Variants in PLCH1 observed in about 807,000 individuals in gnomAD.
PLCH1 encodes 1-phosphatidylinositol 4,5-bisphosphate phosphodiesterase eta-1.
Under a neutral mutation model 126.7 loss-of-function variants are expected in PLCH1, and 60 were observed. The ratio of observed to expected loss-of-function variants is 0.47; its 90% confidence interval spans 0.38 to 0.59. The LOEUF (loss-of-function observed/expected upper bound fraction) is 0.59. Ranked by LOEUF, PLCH1 falls within the 20% of genes least tolerant of loss-of-function variation. PLCH1 has a pLI of 0.00. For synonymous variants in PLCH1, 719 were observed against 734.9 expected, an observed-to-expected ratio of 0.98 and a Z score of 0.35; for missense variants, 1,723 against 2,040.0, an observed-to-expected ratio of 0.84 and a Z score of 2.99.
chr3:155,488,251 G>T (rs1715592646), intron 20 of PLCH1, 144 bp from the exon 21 acceptor site: 1 of 611,256 alleles, frequency 1.6e-6, no homozygotes, highest in African/African-American at 1.8e-5. Context: ...AGGCTGGAAT[G>T]CAGTGGCATG....
At chr3:155,719,838 C>G (rs998234876) in intron 1 of PLCH1, among the ~76,000 whole-genome samples, 2 of 151,894 alleles carry the variant, frequency 1.3e-5, no homozygotes, top group Non-Finnish European at 2.9e-5. Flanking sequence ...GACTCTCACT[C>G]TGTCTGGAGT....
chr3:155,485,337 G>T lies in PLCH1; in HGVS notation c.2974+19C>A. On this transcript the variant is annotated intron_variant, in intron 22 of 22. Coordinates refer to ENST00000460012, the MANE Select transcript of PLCH1 (RefSeq NM_014996.4). ...CAGCCTAGAAGGGTTTATTCTCAGA[G>T]AAACTTAAAGCATCTTACCTAGAGA... 2.0e-6 allele frequency: 3 copies of T among 1,525,916 alleles called. No individual in the cohort carries two copies. Among genetic ancestry groups the T allele is most frequent in the South Asian group, 2.3e-5 (2 of 86,866 alleles). The allele number at this position is 1,525,916 out of a possible 1,614,324, so 94.5% of individuals were successfully genotyped here. A position where few individuals can be genotyped will look rare whatever the true frequency, so the allele number is the denominator to read the frequency against.
intron 2 of PLCH1, among the ~76,000 whole-genome samples, chr3:155,617,119 T>A (rs942837429): frequency 6.6e-5 from 10 of 152,150 alleles, no homozygotes; most frequent in African/African-American, 2.4e-4. Flanking sequence ...CAGTAATAAT[T>A]ATTATCATTA....
chr3:155,495,933 G>A (rs780114600), intron 15 of PLCH1, among the ~76,000 whole-genome samples: 2 of 152,200 alleles, frequency 1.3e-5, no homozygotes, highest in Non-Finnish European at 2.9e-5. Flanking sequence ...GATGAGGGAT[G>A]TTTTAAACAT....
At chr3:155,474,122 C>T (rs1338129469) in intron 21 of PLCH1, among the ~76,000 whole-genome samples, 2 of 151,964 alleles carry the variant, frequency 1.3e-5, no homozygotes, top group African/African-American at 2.4e-5. Flanking sequence ...AAGAAACTAC[C>T]ATCAGAGTGA....
intron 8 of PLCH1, 101 bp downstream of exon 8, chr3:155,564,814 G>T (rs1728108469): frequency 1.4e-6 from 1 of 710,260 alleles, no homozygotes; most frequent in Non-Finnish European, 2.5e-6. Flanking sequence ...TAATTAGTGT[G>T]AGAGTGTGTT....
At chr3:155,593,105 G>A (rs535562783) in intron 4 of PLCH1, among the ~76,000 whole-genome samples, 30 of 152,126 alleles carry the variant, frequency 2.0e-4, no homozygotes, top group African/African-American at 7.0e-4. Context: ...TTCTAATGAC[G>A]GCAAGGGAGT....
At chr3:155,601,927 G>C (rs1733791394) in intron 2 of PLCH1, among the ~76,000 whole-genome samples, 1 of 152,058 alleles carries the variant, frequency 6.6e-6, no homozygotes, top group Admixed American at 6.5e-5. Flanking sequence ...GATAGTTCAT[G>C]TAAATAAAAT....
At chr3:155,456,803 C>G (rs1712454466) in intron 21 of PLCH1, 1 of 153,024 alleles carries the variant, frequency 6.5e-6, no homozygotes, top group Non-Finnish European at 1.5e-5. Flanking sequence ...CAACCCCTTT[C>G]CCACCTTTTT....
At chr3:155,665,003 T>C (rs1742569806) in intron 2 of PLCH1, among the ~76,000 whole-genome samples, 1 of 152,092 alleles carries the variant, frequency 6.6e-6, no homozygotes, top group African/African-American at 2.4e-5. Context: ...TCCTTTGCAG[T>C]TGGGTGTGGC....
intron 2 of PLCH1, among the ~76,000 whole-genome samples, chr3:155,649,716 C>T (rs1240585021): frequency 2.6e-5 from 4 of 152,182 alleles, no homozygotes; most frequent in African/African-American, 9.6e-5. Context: ...CGGTGGCTCA[C>T]ACCTGTAATC....
At chr3:155,594,960 TGGAACTGGCA>T (rs1416769979) in intron 3 of PLCH1, among the ~76,000 whole-genome samples, 7 of 152,194 alleles carry the variant, frequency 4.6e-5, no homozygotes, top group Non-Finnish European at 7.3e-5. Context: ...CTGAGCTACA[TGGAACTGGCA>T]TTCCTAGAGA....
At chr3:155,476,208 T>C (rs554113753), downstream of PLCH1, among the ~76,000 whole-genome samples, 92 of 152,184 alleles carry the variant, frequency 6.0e-4, no homozygotes, top group African/African-American at 2.0e-3. Context: ...AAAAAACATA[T>C]GATAATTTCA....
intron 2 of PLCH1, 50 bp from the exon 3 acceptor site, chr3:155,596,428 A>G: frequency 1.3e-6 from 2 of 1,505,298 alleles, no homozygotes; most frequent in Non-Finnish European, 1.8e-6. Flanking sequence ...GCACAGGCAT[A>G]CTGGTGTCCA....
At chr3:155,664,713 T>C (rs1295582289) in intron 2 of PLCH1, among the ~76,000 whole-genome samples, 1 of 152,226 alleles carries the variant, frequency 6.6e-6, no homozygotes, top group Admixed American at 6.5e-5. Flanking sequence ...AAGCTTCCCC[T>C]TGCATTTGCA....
chr3:155,576,256 C>G (rs1016472688), intron 6 of PLCH1, among the ~76,000 whole-genome samples: 17 of 152,090 alleles, frequency 1.1e-4, no homozygotes, highest in Non-Finnish European at 2.1e-4. Context: ...CAAAACAAAA[C>G]AAAAACTCTC....
intron 10 of PLCH1, among the ~76,000 whole-genome samples, chr3:155,530,713 C>A (rs192206236): frequency 6.6e-6 from 1 of 152,110 alleles, no homozygotes; most frequent in Admixed American, 6.5e-5. Context: ...AATCTGTTGA[C>A]CTCCTCAAAA....
chr3:155,668,177 T>C (rs1338688814), intron 2 of PLCH1, among the ~76,000 whole-genome samples: 2 of 148,266 alleles, frequency 1.3e-5, no homozygotes, highest in East Asian at 4.2e-4. Context: ...GCAGTAACAA[T>C]CAACAAGTTG....
chr3:155,575,291 GAGA>G (rs1729773807), intron 6 of PLCH1, among the ~76,000 whole-genome samples: 1 of 152,194 alleles, frequency 6.6e-6, no homozygotes, highest in Admixed American at 6.5e-5. Context: ...TCTCATGAGA[GAGA>G]AGATTAGAAT....
Sources: gnomAD v4.1 joint callset for allele counts (sites outside exome capture counted in the v4.1 genomes callset) on GRCh38, gnomAD v4.1.1 for gene constraint, MANE v1.5 for transcripts, NCBI Gene and HGNC (gene_info 2026-07-23, HGNC 2026-07-21) for gene names.